Variants in CRYZL1 observed in about 807,000 individuals in gnomAD.
CRYZL1 encodes the protein ferry endosomal RAB5 effector complex subunit 4.
CRYZL1 carries 34 observed loss-of-function variants against 50.6 expected under a neutral mutation model. The ratio of observed to expected loss-of-function variants is 0.67; its 90% CI spans 0.51 to 0.89. CRYZL1 has a LOEUF of 0.89. Ranked by LOEUF, CRYZL1 falls within the 40% of genes least tolerant of loss-of-function variation. The pLI is 0.00. For synonymous variants in CRYZL1, 125 were observed against 134.3 expected (o/e 0.93, Z 0.48); for missense variants, 354 against 402.3 (o/e 0.88, Z 1.03).
intron 1 of CRYZL1, among the ~76,000 whole-genome samples, chr21:33,637,286 A>G (rs1254844387): frequency 6.6e-6 from 1 of 151,982 alleles, no homozygotes; most frequent in Non-Finnish European, 1.5e-5. Context: ...TCTACTAAAA[A>G]TACAAAAAAT....
In CRYZL1 at chr21:33,594,093, C is replaced by T. The variant is rs533200638; in HGVS notation, c.904+1638G>A. 2.7e-5 allele frequency among the ~76,000 whole-genome samples: 4 copies of T among 149,716 alleles called. No homozygotes were observed. The South Asian group carries it at 8.4e-4, about 32-fold the overall frequency. ...TTACTTTTAATAGCCACATGGTATT[C>T]TCCACTGTAGCATCATTCCATGTTA... On this transcript the variant is annotated intron_variant, in intron 11 of 12. Coordinates refer to ENST00000381554, the MANE Select transcript of CRYZL1 (RefSeq NM_145858.3).
chr21:33,603,386 A>T lies in CRYZL1; in HGVS notation c.465+18T>A, dbSNP rs1317993299. The T allele has an allele frequency of 6.2e-7, 1 of 1,612,470 alleles. No homozygotes were observed. The highest frequency in any genetic ancestry group is 8.5e-7 in the Non-Finnish European group (1 of 1,179,226). On this transcript the variant is annotated intron_variant, in intron 7 of 12. Transcript: ENST00000381554. ...ACTGTATGCTTGTCTGTTTCTTAACAAAACCATTAGCACCTACACTTGCTC... is the reference window on the plus strand; with the variant it reads ...ACTGTATGCTTGTCTGTTTCTTAACTAAACCATTAGCACCTACACTTGCTC...
intron 1 of CRYZL1, chr21:33,641,164 C>T (rs1389435281): frequency 1.3e-6 from 2 of 1,550,080 alleles, no homozygotes; most frequent in Admixed American, 2.0e-5. Flanking sequence ...AGACCTATCC[C>T]AAGGCGATGC....
At chr21:33,606,902 T>C (rs1244441566) in intron 6 of CRYZL1, among the ~76,000 whole-genome samples, 2 of 151,970 alleles carry the variant, frequency 1.3e-5, no homozygotes, top group African/African-American at 4.8e-5. Flanking sequence ...TCCCAGCTAC[T>C]TGGGAGGCTG....
intron 8 of CRYZL1, among the ~76,000 whole-genome samples, chr21:33,601,967 A>G (rs942261464): frequency 1.3e-5 from 2 of 150,920 alleles, no homozygotes; most frequent in Non-Finnish European, 3.0e-5. Flanking sequence ...CTGCATTTTG[A>G]AACTGACTTT....
At chr21:33,628,147 T>C (rs1398251323) in intron 2 of CRYZL1, among the ~76,000 whole-genome samples, 1 of 152,198 alleles carries the variant, frequency 6.6e-6, no homozygotes, top group Non-Finnish European at 1.5e-5. Context: ...GACTATTAAG[T>C]TTGTTCTGTC....
intron 6 of CRYZL1, among the ~76,000 whole-genome samples, chr21:33,611,032 ATTG>A (rs530658391): frequency 8.1e-4 from 124 of 152,148 alleles, no homozygotes; most frequent in Admixed American, 1.5e-3. Flanking sequence ...CGCCCAGCCA[ATTG>A]TTGTTGTTTT....
rs1365025499 is a variant in CRYZL1 at position 33,623,010 on chromosome 21, G to C, written c.145-942C>G. 2.0e-5 allele frequency among the ~76,000 whole-genome samples: 3 copies of C among 150,100 alleles called. No homozygotes were observed. In the East Asian group the frequency reaches 5.8e-4, roughly 29 times the overall value. ...AGATGGAGTCTCACTCTGTCGCCCA[G>C]GCTGGAGTGCAGTGGTGTGATCTCG... On this transcript the variant is annotated intron_variant, in intron 3 of 12. Coordinates refer to ENST00000381554, the MANE Select transcript of CRYZL1 (RefSeq NM_145858.3).
chr21:33,594,707 A>G (rs1021311446), intron 11 of CRYZL1: 3 of 144,104 alleles, frequency 2.1e-5, no homozygotes, highest in Non-Finnish European at 4.5e-5. Context: ...TAGTAGTGCA[A>G]TCTTGGCTCA....
intron 6 of CRYZL1, among the ~76,000 whole-genome samples, chr21:33,608,004 G>A (rs1476693641): frequency 6.6e-6 from 1 of 151,802 alleles, no homozygotes; most frequent in Non-Finnish European, 1.5e-5. Context: ...AATACAATGT[G>A]GAATAATTAA....
rs116976614 is a variant in CRYZL1 at position 33,597,450 on chromosome 21, T to C, written c.677-49A>G. The C allele has an allele frequency of 9.0e-5, 122 of 1,352,550 alleles. No homozygotes were observed. In the Middle Eastern group the frequency reaches 1.3e-3, roughly 14 times the overall value. The allele number at this position is 1,352,550 out of a possible 1,614,324, so 83.8% of individuals were successfully genotyped here. A position where few individuals can be genotyped will look rare whatever the true frequency, so the allele number is the denominator to read the frequency against. ...AAAGAGAGAGAGAAGAAATATATTT[T>C]ATAATAATCTGACAAAAATTTATTC... On this transcript the variant is annotated intron_variant, in intron 9 of 12. Transcript: ENST00000381554.
intron 11 of CRYZL1, chr21:33,595,350 T>C: frequency 7.8e-7 from 1 of 1,283,992 alleles, no homozygotes; most frequent in Non-Finnish European, 1.0e-6. Context: ...GGAGTAAGTG[T>C]GCAACCTTTC....
rs1601350302 is a variant in CRYZL1, at chr21:33,631,539, A to G, written c.13T>C (p.Tyr5His). ...TCATCTGTGGAACTCTGTTGGAAAT[A>G]TAAGCCTTTCATAGTCACCTAAAAA... The part of the protein sequence containing the change: MKGL[Y>H]FQQSSTDEEI... The change falls in exon 2 of 13, where the codon TAT becomes CAT. Residue 5 changes from tyrosine (Y) to histidine (H), a missense_variant. Physicochemically the swap from Tyr to His is moderately conservative, Grantham distance 83 (BLOSUM62 2). Coordinates refer to ENST00000381554, the MANE Select transcript of CRYZL1 (RefSeq NM_145858.3). The G allele has an allele frequency of 1.3e-6, 2 of 1,511,378 alleles. No homozygotes were observed. Among genetic ancestry groups the G allele is most frequent in the Non-Finnish European group, 1.8e-6 (2 of 1,134,826 alleles). 93.6% of individuals were successfully genotyped at this position (1,511,378 alleles called of 1,614,324 possible).
intron 9 of CRYZL1, among the ~76,000 whole-genome samples, chr21:33,597,698 C>T (rs1601326952): frequency 1.3e-5 from 2 of 152,240 alleles, no homozygotes; most frequent in Admixed American, 6.5e-5. Context: ...CTGCAAGCTC[C>T]GCCTCCCGGG....
chr21:33,639,349 C>T (rs1226467841), intron 1 of CRYZL1, among the ~76,000 whole-genome samples: 2 of 152,188 alleles, frequency 1.3e-5, no homozygotes, highest in African/African-American at 4.8e-5. Flanking sequence ...TGATCCAGAA[C>T]AACAGAAACT....
intron 10 of CRYZL1, 34 bp from the exon 11 acceptor site, chr21:33,595,870 T>C: frequency 1.4e-6 from 2 of 1,428,334 alleles, no homozygotes; most frequent in Non-Finnish European, 2.0e-6. Flanking sequence ...TAATCAATTA[T>C]TGTGAGTTTA....
chr21:33,595,644 T>C (rs749710444), intron 11 of CRYZL1, 87 bp downstream of exon 11: 2 of 1,566,200 alleles, frequency 1.3e-6, no homozygotes, highest in South Asian at 1.2e-5. Flanking sequence ...ACTTAACTGC[T>C]ATTATTATTT....
chr21:33,598,051 G>A (rs1174995182), intron 9 of CRYZL1, among the ~76,000 whole-genome samples: 1 of 152,038 alleles, frequency 6.6e-6, no homozygotes, highest in South Asian at 2.1e-4. Context: ...GTAATTTATT[G>A]TAAATCTACT....
Position 33,599,139 on chromosome 21 carries a change from A to C in CRYZL1, c.676+11T>G. 2 of 1,612,042 alleles carry C rather than the reference A, an allele frequency of 1.2e-6. No individual in the cohort carries two copies. Among genetic ancestry groups the C allele is most frequent in the Non-Finnish European group, 1.7e-6 (2 of 1,179,242 alleles). ...AAACTACACAGGCTACTAATTTCATAAGGTACCTACCTCCAGCATCTAGGA... is the reference window on the plus strand; with the variant it reads ...AAACTACACAGGCTACTAATTTCATCAGGTACCTACCTCCAGCATCTAGGA... On this transcript the variant is annotated intron_variant, in intron 9 of 12. Transcript: ENST00000381554.
Sources: allele counts gnomAD v4.1 joint callset (sites outside exome capture counted in the v4.1 genomes callset), GRCh38; gene constraint gnomAD v4.1.1; transcripts MANE v1.5; gene names NCBI Gene and HGNC (gene_info 2026-07-23, HGNC 2026-07-21).